The following CDC23 variants were observed in gnomAD, a reference collection of about 807,000 sequenced individuals.
The protein encoded by CDC23 is cell division cycle protein 23 homolog.
CDC23 carries 26 observed loss-of-function variants against 81.7 expected under a neutral mutation model. The ratio of observed to expected loss-of-function variants is 0.32; its 90% confidence interval spans 0.23 to 0.44. The LOEUF is 0.44. Ranked by LOEUF, CDC23 falls within the 20% of genes least tolerant of loss-of-function variation. The pLI, the probability that CDC23 is intolerant of heterozygous loss-of-function variation, is 1.00. For synonymous variants in CDC23, 267 were observed against 270.8 expected (o/e 0.99, Z 0.14); for missense variants, 519 against 728.0 (o/e 0.71, Z 3.30).
rs140704747 is a variant in CDC23 at position 138,200,855 on chromosome 5, A to G, written c.654+252T>C. On this transcript the variant is annotated intron_variant, in intron 6 of 15. Transcript: ENST00000394886. ...AAAAACAAGTCACAATAGAACTGAA[A>G]TGTGAAAACATGAATATGAAAAAAA... 522 of 442,386 alleles carry G rather than the reference A, an allele frequency of 1.2e-3. 2 individuals are homozygous for G. The highest frequency in any genetic ancestry group is 2.0e-3 in the Admixed American group (49 of 24,578). 27.4% of individuals were successfully genotyped at this position (442,386 alleles called of 1,614,324 possible). A position where few individuals can be genotyped will look rare whatever the true frequency, so the allele number is the denominator to read the frequency against.
rs1391570054 is a variant in CDC23 at position 138,190,144 on chromosome 5, T to C, written c.1425-238A>G. 7 of 511,674 alleles carry C rather than the reference T, an allele frequency of 1.4e-5. No individual in the cohort carries two copies. The South Asian group carries it at 1.4e-4, about 11-fold the overall frequency. The allele number at this position is 511,674 out of a possible 1,614,324, so 31.7% of individuals were successfully genotyped here. A position where few individuals can be genotyped will look rare whatever the true frequency, so the allele number is the denominator to read the frequency against. ...AGTAAATATTAATATCTAAGCTAGA[T>C]AAACCATCCTTGCAAAAATTATCTA... On this transcript the variant is annotated intron_variant, in intron 13 of 15. Transcript: ENST00000394886.
intron 2 of CDC23, among the ~76,000 whole-genome samples, chr5:138,210,562 C>T (rs1276231784): frequency 2.0e-5 from 3 of 152,070 alleles, no homozygotes; most frequent in African/African-American, 7.2e-5. Context: ...AAATAAATCA[C>T]AGTTTTAAGG....
chr5:138,208,635 A>G (rs568281917), intron 2 of CDC23, among the ~76,000 whole-genome samples: 9 of 152,336 alleles, frequency 5.9e-5, no homozygotes, highest in Admixed American at 3.9e-4. Context: ...AGCATAAAAT[A>G]TATTCGTAAC....
At position 138,207,992 on chromosome 5, in the gene CDC23, C is replaced by T. The variant is rs137997617; in HGVS notation, c.235-1308G>A. On this transcript the variant is annotated intron_variant, in intron 2 of 15. Transcript: ENST00000394886. ...CTTTTTTTTTTTTGAGACAGAGCCT[C>T]GCTCTGTCGCCTAGGATGGAATGCA... 3.7e-3 allele frequency among the ~76,000 whole-genome samples: 557 copies of T among 151,004 alleles called. 3 individuals carry two copies. The highest frequency in any genetic ancestry group is 0.013 in the African/African-American group (524 of 41,152).
intron 2 of CDC23, among the ~76,000 whole-genome samples, chr5:138,209,732 G>A (rs1561638194): frequency 6.6e-6 from 1 of 151,400 alleles, no homozygotes. Context: ...GCTGAGGCAG[G>A]AGAATCACTG....
At chr5:138,192,228 C>G (rs2231478) in intron 11 of CDC23, 41 bp downstream of exon 11, 356,796 of 1,608,756 alleles carry the variant, frequency 0.22, 41,998 homozygotes, top group African/African-American at 0.32. Flanking sequence ...AAGTTATTAG[C>G]CCTTCCCATA....
chr5:138,188,416 T>C lies in CDC23; in HGVS notation c.*562A>G, dbSNP rs1171252538. 1 of 152,166 alleles carries C rather than the reference T, an allele frequency of 6.6e-6. No homozygotes were observed. The highest frequency in any genetic ancestry group is 1.5e-5 in the Non-Finnish European group (1 of 68,036). 9.4% of individuals were successfully genotyped at this position (152,166 alleles called of 1,614,324 possible). On this transcript the variant is annotated 3_prime_UTR_variant, in exon 16 of 16. Coordinates refer to ENST00000394886, the MANE Select transcript of CDC23 (RefSeq NM_004661.4). ...AAGCTTTAGAAGACCCCCCCAAAAC[T>C]GTTTTGGAAGATTGTCTCCCTAGAG...
Position 138,201,142 on chromosome 5 carries a change from A to C in CDC23, c.619T>G (p.Leu207Val). Residue 207 changes from leucine to valine, a missense_variant, in exon 6 of 16, where the codon TTA becomes GTA. Physicochemically the swap from Leu to Val is conservative, Grantham distance 32. This residue lies in a region of CDC23 where 180 missense variants were observed against 239.3 expected (regional missense o/e 0.75). Transcript: ENST00000394886. ...TCTGTGATCAGGTTACAGAGTTCTA[A>C]CCAGGCTCCCCAATGCAAGGGCAAA... ...HVLPLHWGAW[L>V]ELCNLITDKE... 6.2e-7 allele frequency: 1 copy of C among 1,614,188 alleles called. No homozygotes were observed. The highest frequency in any genetic ancestry group is 8.5e-7 in the Non-Finnish European group (1 of 1,180,040).
chr5:138,209,502 A>G (rs1441331744), intron 2 of CDC23, among the ~76,000 whole-genome samples: 1 of 151,914 alleles, frequency 6.6e-6, no homozygotes, highest in Non-Finnish European at 1.5e-5. Context: ...CTTATATGAC[A>G]TGCTTCTTTG....
At chr5:138,196,763 G>A (rs1422571423) in intron 9 of CDC23, among the ~76,000 whole-genome samples, 2 of 145,664 alleles carry the variant, frequency 1.4e-5, no homozygotes, top group Non-Finnish European at 3.0e-5. Context: ...TGTATTTTTT[G>A]TAGAGATGGG....
rs372280111 is a variant in CDC23 at position 138,198,541 on chromosome 5, T to C, written c.833-18A>G. ...GTCAATATCTGCAGAAAGAAGATAG[T>C]TCAGAAAACAGCACAATGCACCTGT... On this transcript the variant is annotated intron_variant, in intron 7 of 15. Coordinates refer to ENST00000394886, the MANE Select transcript of CDC23 (RefSeq NM_004661.4). 16 of 1,613,174 alleles carry C rather than the reference T, an allele frequency of 9.9e-6. No homozygotes were observed. The African/African-American group carries it at 1.9e-4, about 19-fold the overall frequency.
chr5:138,189,397 G>A (rs879643156), intron 15 of CDC23, among the ~76,000 whole-genome samples: 1 of 151,824 alleles, frequency 6.6e-6, no homozygotes, highest in Non-Finnish European at 1.5e-5. Context: ...GAGTAGCTGG[G>A]ACCACAGGCA....
intron 9 of CDC23, among the ~76,000 whole-genome samples, chr5:138,193,226 C>T (rs1015407464): frequency 6.6e-6 from 1 of 152,190 alleles, no homozygotes; most frequent in Admixed American, 6.5e-5. Context: ...CCACATCTGG[C>T]CTATATATAC....
At chr5:138,207,246 C>T (rs1051975498) in intron 2 of CDC23, among the ~76,000 whole-genome samples, 3 of 152,058 alleles carry the variant, frequency 2.0e-5, no homozygotes, top group African/African-American at 4.8e-5. Context: ...AAAAACTAAA[C>T]GAACACTCAT....
chr5:138,199,399 C>G (rs1309864295), intron 6 of CDC23, among the ~76,000 whole-genome samples: 1 of 151,980 alleles, frequency 6.6e-6, no homozygotes, highest in Non-Finnish European at 1.5e-5. Flanking sequence ...GAGTTTGACA[C>G]CAGCCCTGAC....
At chr5:138,207,463 A>C (rs1357738060) in intron 2 of CDC23, among the ~76,000 whole-genome samples, 8 of 152,196 alleles carry the variant, frequency 5.3e-5, no homozygotes, top group African/African-American at 1.9e-4. Flanking sequence ...AATGTGAGTC[A>C]CATAAAATAT....
chr5:138,208,480 C>T (rs1408818726), intron 2 of CDC23, among the ~76,000 whole-genome samples: 1 of 152,102 alleles, frequency 6.6e-6, no homozygotes, highest in African/African-American at 2.4e-5. Context: ...CTTTCACCTG[C>T]ATTATGCCTT....
intron 15 of CDC23, 28 bp downstream of exon 15, chr5:138,189,605 A>C (rs369015784): frequency 1.9e-6 from 3 of 1,598,124 alleles, no homozygotes; most frequent in Non-Finnish European, 2.6e-6. Flanking sequence ...CTAAAATTCA[A>C]ACCTTTTATT....
intron 2 of CDC23, among the ~76,000 whole-genome samples, chr5:138,209,870 G>T (rs188487923): frequency 1.3e-5 from 2 of 151,426 alleles, no homozygotes; most frequent in African/African-American, 2.4e-5. Flanking sequence ...CATCTACTAC[G>T]TAGATTGAGC....
Sources: allele counts gnomAD v4.1 joint callset (sites outside exome capture counted in the v4.1 genomes callset), GRCh38; gene constraint gnomAD v4.1.1; regional missense constraint gnomAD v4.1.1; transcripts MANE v1.5; gene names NCBI Gene and HGNC (gene_info 2026-07-23, HGNC 2026-07-21).